Variants in UNC13C observed in about 807,000 individuals in gnomAD.
The protein encoded by UNC13C is protein unc-13 homolog C.
In UNC13C, 174 loss-of-function variants were observed where a neutral mutation model predicts 245.4. That is an observed-to-expected ratio of 0.71 (90% CI 0.63 to 0.80). The LOEUF (loss-of-function observed/expected upper bound fraction) is 0.80, where lower values mean the gene tolerates loss of function less well. Among genes scored for constraint, UNC13C ranks in the 30% least tolerant of loss-of-function variants. The probability of loss-of-function intolerance (pLI) is 0.00; values close to 1 mark genes in which losing one functional copy is unlikely to be tolerated. For missense variants in UNC13C, 2,829 were observed against 2,602.9 expected (o/e 1.09, Z -1.89); for synonymous variants, 992 against 895.1 (o/e 1.11, Z -1.93).
At chr15:54,460,708 C>T (rs1765180452) in intron 19 of UNC13C, among the ~76,000 whole-genome samples, 1 of 152,222 alleles carries the variant, frequency 6.6e-6, no homozygotes. Flanking sequence ...TTTGCAGTAG[C>T]AAGCTGCTTC....
At chr15:53,897,047 AT>A in the UNC13C span, among the ~76,000 whole-genome samples, 28,046 of 152,166 alleles carry the variant, frequency 0.18, 2,896 homozygotes, top group East Asian at 0.28. Context: ...CAGCCTCCTC[AT>A]TTTGTAGAGA....
At position 54,125,043 on chromosome 15, in the gene UNC13C, T is replaced by C. The variant is rs753402337; in HGVS notation, c.2984-17975T>C. Among the ~76,000 whole-genome samples the C allele has an allele frequency of 2.0e-4, 31 of 152,216 alleles. 1 individual carries two copies. The highest frequency in any genetic ancestry group is 4.1e-4 in the Non-Finnish European group (28 of 68,040). ...AACACAGTCTTGGTTGCTATAAATA[T>C]AAAGTAATCTTAATTGAATAAAGTA... On this transcript the variant is annotated intron_variant, in intron 2 of 32. Coordinates refer to ENST00000260323, the MANE Select transcript of UNC13C (RefSeq NM_001080534.3).
the UNC13C span, among the ~76,000 whole-genome samples, chr15:53,930,327 G>T: frequency 1.3e-5 from 2 of 152,136 alleles, no homozygotes; most frequent in East Asian, 3.8e-4. Flanking sequence ...CCCTACCATT[G>T]CATTCTATTG....
chr15:54,132,152 C>T (rs188853615), intron 2 of UNC13C, among the ~76,000 whole-genome samples: 43 of 147,372 alleles, frequency 2.9e-4, no homozygotes, highest in African/African-American at 5.1e-4. Flanking sequence ...CTGCAAGCTC[C>T]GCCTCCCAGG....
intron 2 of UNC13C, among the ~76,000 whole-genome samples, chr15:54,110,123 T>G (rs1438314956): frequency 6.6e-6 from 1 of 151,576 alleles, no homozygotes; most frequent in South Asian, 2.1e-4. Context: ...ACTAAAAATA[T>G]AAAAAAATTA....
At chr15:54,042,587 G>C (rs754084534) in intron 2 of UNC13C, among the ~76,000 whole-genome samples, 30 of 152,132 alleles carry the variant, frequency 2.0e-4, no homozygotes, top group Middle Eastern at 3.4e-3. Flanking sequence ...GGTGTGGTGG[G>C]TCACGCCTGT....
intron 10 of UNC13C, among the ~76,000 whole-genome samples, chr15:54,272,262 A>G (rs2036706559): frequency 6.6e-6 from 1 of 152,044 alleles, no homozygotes; most frequent in South Asian, 2.1e-4. Context: ...AGAGTGCCTC[A>G]GGCCCATGGC....
In UNC13C at chr15:54,525,598, G is replaced by C; in HGVS notation, c.5507G>C (p.Ser1836Thr). 6.2e-7 allele frequency: 1 copy of C among 1,613,136 alleles called. No homozygotes were observed. Among genetic ancestry groups the C allele is most frequent in the Non-Finnish European group, 8.5e-7 (1 of 1,179,600 alleles). The change falls in exon 25 of 33, where the codon AGT becomes ACT. Residue 1836 changes from serine (S) to threonine (T), a missense_variant. Physicochemically the swap from Ser to Thr is moderately conservative, Grantham distance 58. Transcript: ENST00000260323. ...TILKELQVKL[S>T]GVLDELSVTY... ...CTAAAAGAACTTCAGGTTAAGCTCA[G>C]TGGGGTCCTGGATGAGCTCAGCGTC...
chr15:54,393,060 G>A lies in UNC13C; in HGVS notation c.4726G>A (p.Asp1576Asn), dbSNP rs1486422031. ...AACTTGTGAGCAGAGTAAGAAACAG[G>A]ATATTCCTCGTGAAGATCAGGGACC... ...SQLTDPSKKQ[D>N]IPREDQGPTT... is the part of the protein sequence containing the mutation. The change falls in exon 18 of 33, where the codon GAT becomes AAT. Residue 1576 changes from aspartate to asparagine, a missense_variant. By Grantham distance (23) the Asp-to-Asn change is conservative. Coordinates refer to ENST00000260323, the MANE Select transcript of UNC13C (RefSeq NM_001080534.3). 1.2e-6 allele frequency: 2 copies of A among 1,604,772 alleles called. No individual in the cohort carries two copies. Among genetic ancestry groups the A allele is most frequent in the African/African-American group, 1.3e-5 (1 of 74,198 alleles).
chr15:54,614,215 T>A (rs1407621172), intron 30 of UNC13C, among the ~76,000 whole-genome samples: 4 of 152,016 alleles, frequency 2.6e-5, no homozygotes, highest in Admixed American at 6.6e-5. Context: ...TTTCTCTCAT[T>A]ATTGCTAGTG....
intron 19 of UNC13C, among the ~76,000 whole-genome samples, chr15:54,490,621 A>C (rs1304509314): frequency 6.6e-6 from 1 of 151,886 alleles, no homozygotes; most frequent in Non-Finnish European, 1.5e-5. Flanking sequence ...TCCAAAGTGT[A>C]GAGGCTACTG....
At chr15:54,190,747 T>C (rs1338657133) in intron 4 of UNC13C, among the ~76,000 whole-genome samples, 1 of 152,078 alleles carries the variant, frequency 6.6e-6, no homozygotes, top group Non-Finnish European at 1.5e-5. Context: ...GGTGTGTATT[T>C]ATATATAATA....
chr15:54,230,547 A>T, intron 4 of UNC13C, among the ~76,000 whole-genome samples: 1 of 152,182 alleles, frequency 6.6e-6, no homozygotes, highest in East Asian at 1.9e-4. Context: ...ATTACAGAAC[A>T]TATGTAATTT....
intron 31 of UNC13C, among the ~76,000 whole-genome samples, chr15:54,622,922 G>C (rs1487060011): frequency 6.6e-6 from 1 of 151,962 alleles, no homozygotes; most frequent in Non-Finnish European, 1.5e-5. Context: ...TTTTATATTA[G>C]TCACTTCAAT....
At chr15:54,547,387 T>A (rs1440462169) in intron 27 of UNC13C, among the ~76,000 whole-genome samples, 1 of 152,150 alleles carries the variant, frequency 6.6e-6, no homozygotes, top group East Asian at 1.9e-4. Flanking sequence ...GGCTGCAAAA[T>A]TAGACACTGG....
chr15:54,257,719 T>C (rs2036315162), intron 8 of UNC13C, among the ~76,000 whole-genome samples: 1 of 152,182 alleles, frequency 6.6e-6, no homozygotes, highest in African/African-American at 2.4e-5. Flanking sequence ...CTGTTAAATG[T>C]CAGTCCTTTG....
At chr15:54,274,962 G>A (rs1300501756) in intron 10 of UNC13C, among the ~76,000 whole-genome samples, 1 of 152,038 alleles carries the variant, frequency 6.6e-6, no homozygotes, top group East Asian at 1.9e-4. Context: ...GAGCCACCAC[G>A]CGCGGCCTAA....
intron 4 of UNC13C, among the ~76,000 whole-genome samples, chr15:54,218,463 C>A (rs779378301): frequency 6.6e-6 from 1 of 151,852 alleles, no homozygotes; most frequent in African/African-American, 2.4e-5. Flanking sequence ...AGGCCAGTAC[C>A]AGTAGAGGGA....
Position 54,048,448 on chromosome 15 carries a change from T to C in UNC13C, c.2983+32562T>C, listed in dbSNP as rs1303594652. The C allele has an allele frequency of 1.5e-5, 9 of 605,582 alleles. No homozygotes were observed. In the African/African-American group the frequency reaches 1.7e-4, roughly 11 times the overall value. 37.5% of individuals were successfully genotyped at this position (605,582 alleles called of 1,614,324 possible). A position where few individuals can be genotyped will look rare whatever the true frequency, so the allele number is the denominator to read the frequency against. ...TTGTAGAGATTAATATTGATCTGGATTGCTTGATAATGAGGCCAGCCTGAA... is the reference window on the plus strand; with the variant it reads ...TTGTAGAGATTAATATTGATCTGGACTGCTTGATAATGAGGCCAGCCTGAA... On this transcript the variant is annotated intron_variant, in intron 2 of 32. Coordinates refer to ENST00000260323, the MANE Select transcript of UNC13C (RefSeq NM_001080534.3).
Sources: allele counts gnomAD v4.1 joint callset (sites outside exome capture counted in the v4.1 genomes callset), GRCh38; gene constraint gnomAD v4.1.1; transcripts MANE v1.5; gene names NCBI Gene and HGNC (gene_info 2026-07-23, HGNC 2026-07-21).